Variants in FGGY observed in about 807,000 individuals in gnomAD.
FGGY encodes FGGY carbohydrate kinase domain containing.
In FGGY, 72 loss-of-function variants were observed where a neutral mutation model predicts 71.3. The observed-to-expected ratio is 1.01, with a 90% CI of 0.84 to 1.23. The LOEUF (loss-of-function observed/expected upper bound fraction) is 1.23. FGGY is among the 50% of genes most tolerant of loss of function. FGGY has a pLI of 0.00. For missense variants in FGGY, 668 were observed against 682.3 expected, an observed-to-expected ratio of 0.98 and a Z score of 0.23; for synonymous variants, 251 against 250.3, an observed-to-expected ratio of 1.00 and a Z score of -0.02.
chr1:59,646,447 G>A (rs1572573902), intron 11 of FGGY, among the ~76,000 whole-genome samples: 1 of 149,534 alleles, frequency 6.7e-6, no homozygotes, highest in South Asian at 2.1e-4. Flanking sequence ...TTTCCAAATT[G>A]GTCACAAATT....
At chr1:59,551,637 G>T (rs2095609968) in intron 7 of FGGY, among the ~76,000 whole-genome samples, 2 of 152,194 alleles carry the variant, frequency 1.3e-5, no homozygotes, top group South Asian at 2.1e-4. Context: ...GAGTCTTGGT[G>T]GGGAAGAACC....
intron 2 of FGGY, among the ~76,000 whole-genome samples, chr1:59,334,055 A>G (rs534098330): frequency 2.0e-5 from 3 of 152,366 alleles, no homozygotes; most frequent in Admixed American, 1.3e-4. Context: ...TGGCTCTGCA[A>G]TCTACTGGCT....
intron 2 of FGGY, among the ~76,000 whole-genome samples, chr1:59,325,915 T>C (rs1200714152): frequency 2.6e-5 from 4 of 152,372 alleles, no homozygotes; most frequent in Non-Finnish European, 4.4e-5. Context: ...GCAGGTTTTA[T>C]TGGGCTGGTA....
intron 3 of FGGY, 70 bp from the exon 4 acceptor site, chr1:59,346,177 C>G (rs1376640125): frequency 8.9e-6 from 14 of 1,567,016 alleles, no homozygotes; most frequent in Non-Finnish European, 1.2e-5. Flanking sequence ...CTTGGGAATC[C>G]ATAATTGTTC....
At chr1:59,523,186 G>A (rs796401312) in intron 7 of FGGY, among the ~76,000 whole-genome samples, 8 of 152,342 alleles carry the variant, frequency 5.3e-5, no homozygotes, top group African/African-American at 1.9e-4. Context: ...CTAGAAAAGT[G>A]TGTGTTTGGG....
At chr1:59,685,226 G>A (rs2097534993) in intron 14 of FGGY, among the ~76,000 whole-genome samples, 1 of 152,080 alleles carries the variant, frequency 6.6e-6, no homozygotes, top group Admixed American at 6.5e-5. Context: ...TACTGAGGAA[G>A]AAGTTATTTC....
chr1:59,601,605 ACTC>A (rs2096579010), intron 8 of FGGY, among the ~76,000 whole-genome samples: 1 of 152,088 alleles, frequency 6.6e-6, no homozygotes, highest in Non-Finnish European at 1.5e-5. Context: ...TGTCAGGGTA[ACTC>A]TAAGTCTGAA....
chr1:59,621,114 G>A (rs1198538546), intron 9 of FGGY, among the ~76,000 whole-genome samples: 1 of 152,002 alleles, frequency 6.6e-6, no homozygotes, highest in Non-Finnish European at 1.5e-5. Context: ...TGTATATGAA[G>A]AGAAAACGGT....
intron 14 of FGGY, among the ~76,000 whole-genome samples, chr1:59,734,146 T>C (rs1420719467): frequency 3.3e-5 from 5 of 152,228 alleles, no homozygotes; most frequent in African/African-American, 7.2e-5. Context: ...CAGTTTTCTT[T>C]TCTTTTTCTT....
chr1:59,721,549 G>A (rs1435332745), intron 14 of FGGY, among the ~76,000 whole-genome samples: 10 of 151,806 alleles, frequency 6.6e-5, no homozygotes, highest in African/African-American at 2.4e-4. Context: ...TGTTGGTCAG[G>A]CTGGTCTCGA....
intron 7 of FGGY, among the ~76,000 whole-genome samples, chr1:59,519,406 G>A (rs747869364): frequency 5.3e-5 from 8 of 152,112 alleles, no homozygotes; most frequent in Non-Finnish European, 8.8e-5. Context: ...AAACAGTTAC[G>A]GTTACTTGTG....
At chr1:59,584,391 G>T (rs1004715644) in intron 8 of FGGY, among the ~76,000 whole-genome samples, 1 of 149,784 alleles carries the variant, frequency 6.7e-6, no homozygotes, top group Non-Finnish European at 1.5e-5. Context: ...ACATAATCCA[G>T]CATATAAACA....
intron 4 of FGGY, among the ~76,000 whole-genome samples, chr1:59,364,930 G>A (rs767195281): frequency 1.2e-4 from 19 of 152,250 alleles, no homozygotes; most frequent in Non-Finnish European, 1.8e-4. Context: ...TAAGGAATGA[G>A]AGAAGAGGTA....
intron 6 of FGGY, among the ~76,000 whole-genome samples, chr1:59,507,961 C>T (rs893105493): frequency 6.6e-6 from 1 of 152,148 alleles, no homozygotes; most frequent in Non-Finnish European, 1.5e-5. Context: ...TTCTCTGTTC[C>T]TCCTTGTTCC....
chr1:59,736,836 G>T (rs190777941), intron 14 of FGGY, among the ~76,000 whole-genome samples: 12 of 152,198 alleles, frequency 7.9e-5, no homozygotes, highest in Admixed American at 7.2e-4. Context: ...ACAAGGAGCC[G>T]AACGTTAATC....
chr1:59,472,677 G>A lies in FGGY; in HGVS notation c.670+15601G>A, dbSNP rs373208312. On this transcript the variant is annotated intron_variant, in intron 6 of 15. Coordinates refer to ENST00000303721, the MANE Select transcript of FGGY (RefSeq NM_018291.5). Reference sequence around the variant, plus strand: ...GCACCCTGTGTCTAGCTCAGGGTTTGCGAATGCACCAGTCCACACTCTGTA... The same window carrying A: ...GCACCCTGTGTCTAGCTCAGGGTTTACGAATGCACCAGTCCACACTCTGTA... 2.8e-4 allele frequency among the ~76,000 whole-genome samples: 42 copies of A among 152,344 alleles called. No homozygotes were observed. The South Asian group carries it at 8.5e-3, about 31-fold the overall frequency.
chr1:59,662,989 T>G (rs145724662), intron 12 of FGGY, among the ~76,000 whole-genome samples: 2 of 152,020 alleles, frequency 1.3e-5, no homozygotes, highest in Non-Finnish European at 2.9e-5. Context: ...AAAATCAGAG[T>G]GGTGTGATAT....
At chr1:59,612,548 A>C (rs957646224) in intron 9 of FGGY, among the ~76,000 whole-genome samples, 8 of 152,200 alleles carry the variant, frequency 5.3e-5, no homozygotes, top group Non-Finnish European at 1.0e-4. Flanking sequence ...AAACATGCCA[A>C]ATTGTAAAGA....
chr1:59,626,134 G>A (rs149123446), intron 10 of FGGY, 85 bp downstream of exon 10: 12 of 1,088,984 alleles, frequency 1.1e-5, no homozygotes, highest in Middle Eastern at 2.0e-4. Flanking sequence ...GTGATTTTCA[G>A]ATCCTACAGA....
Sources: allele counts gnomAD v4.1 joint callset (sites outside exome capture counted in the v4.1 genomes callset), GRCh38; gene constraint gnomAD v4.1.1; transcripts MANE v1.5; gene names NCBI Gene and HGNC (gene_info 2026-07-23, HGNC 2026-07-21).